UBE4A: variants seen among roughly 807,000 people sequenced by gnomAD.
UBE4A encodes the protein ubiquitination factor E4A, also known as ubiquitin conjugation factor E4 A.
UBE4A carries 48 observed loss-of-function variants against 117.9 expected under a neutral mutation model. The observed-to-expected ratio is 0.41, with a 90% CI of 0.32 to 0.52. UBE4A has a LOEUF of 0.52. Among genes scored for constraint, UBE4A ranks in the 20% least tolerant of loss-of-function variants. The pLI is 0.33. For missense variants in UBE4A, 1,067 were observed against 1,296.3 expected (o/e 0.82, Z 2.72); for synonymous variants, 407 against 450.0 (o/e 0.90, Z 1.21).
rs1948807903 is a variant in UBE4A, at chr11:118,390,772, A to G, written c.2884A>G (p.Met962Val). The change falls in exon 18 of 20, where the codon ATG becomes GTG. Residue 962 changes from methionine to valine, a missense_variant. Met to Val is a conservative substitution (Grantham distance 21, BLOSUM62 1). Transcript: ENST00000252108. Reference sequence around the variant, plus strand: ...AATAAATAAGCCTGGGAATATGATTATGGCTTTCAGCAACTTGGCAGAGAG... The same window carrying G: ...AATAAATAAGCCTGGGAATATGATTGTGGCTTTCAGCAACTTGGCAGAGAG... ...KKINKPGNMI[M>V]AFSNLAERIK... 6.2e-7 allele frequency: 1 copy of G among 1,610,288 alleles called. No individual in the cohort carries two copies. Among genetic ancestry groups the G allele is most frequent in the South Asian group, 1.1e-5 (1 of 90,950 alleles).
At chr11:118,360,056 C>G (rs185748078) in intron 1 of UBE4A, among the ~76,000 whole-genome samples, 49 of 152,272 alleles carry the variant, frequency 3.2e-4, no homozygotes, top group Non-Finnish European at 1.5e-5. Context: ...GAGTAGATAA[C>G]AAATAGGCAG....
At chr11:118,367,035 C>T (rs544743378) in intron 2 of UBE4A, among the ~76,000 whole-genome samples, 3 of 152,162 alleles carry the variant, frequency 2.0e-5, no homozygotes, top group Non-Finnish European at 2.9e-5. Flanking sequence ...GAAACCCCAT[C>T]TCTACTAAAA....
chr11:118,373,716 C>G (rs1216612713), intron 8 of UBE4A, 31 bp downstream of exon 8: 1 of 1,589,762 alleles, frequency 6.3e-7, no homozygotes, highest in Non-Finnish European at 8.5e-7. Context: ...ATCCCAGCCC[C>G]CTGATCTTAA....
chr11:118,362,429 G>A (rs1307792012), intron 1 of UBE4A, among the ~76,000 whole-genome samples: 1 of 152,158 alleles, frequency 6.6e-6, no homozygotes, highest in East Asian at 1.9e-4. Flanking sequence ...CGGCCTTCTT[G>A]ATAGTCTTAA....
rs140012544 is a variant in UBE4A, at chr11:118,375,179, T to C, written c.1400T>C (p.Leu467Pro). ...ACCTTTAATCCCACATACTGTGCCC[T>C]CAAGGAGTTGAATGATGAAGAACGA... ...LLTFNPTYCA[L>P]KELNDEERKI... is the part of the protein sequence containing the mutation. The change falls in exon 9 of 20, where the codon CTC (leucine) becomes CCC (proline). Residue 467 changes from leucine (L) to proline (P), a missense_variant. By Grantham distance (98) the Leu-to-Pro change is moderately conservative. Around this residue, in one of 3 missense-constraint regions of UBE4A, gnomAD observed 1,001 missense variants for 1,184.0 expected, o/e 0.85. Transcript: ENST00000252108. 1.9e-4 allele frequency: 312 copies of C among 1,612,380 alleles called. No homozygotes were observed. The highest frequency in any genetic ancestry group is 2.6e-4 in the Non-Finnish European group (302 of 1,179,202).
intron 16 of UBE4A, 100 bp from the exon 17 acceptor site, chr11:118,389,624 TA>T: frequency 9.0e-7 from 1 of 1,116,300 alleles, no homozygotes; most frequent in Non-Finnish European, 1.2e-6. Context: ...TGTTTAGAAA[TA>T]AAATAACAGT....
At chr11:118,361,006 G>GTGTTTTT (rs1236730893) in intron 1 of UBE4A, among the ~76,000 whole-genome samples, 1 of 126,672 alleles carries the variant, frequency 7.9e-6, no homozygotes. Context: ...GTGTGTGTGT[G>GTGTTTTT]TATTTTTTTT....
intron 11 of UBE4A, among the ~76,000 whole-genome samples, chr11:118,380,283 T>C (rs562324928): frequency 1.3e-5 from 2 of 152,022 alleles, no homozygotes; most frequent in South Asian, 2.1e-4. Context: ...CCCCAAAACA[T>C]AGCAGCTTAA....
In UBE4A at chr11:118,373,248, A is replaced by G. The variant is rs764071500; in HGVS notation, c.884A>G (p.Asp295Gly). The G allele has an allele frequency of 3.7e-6, 6 of 1,613,278 alleles. No homozygotes were observed. The South Asian group carries it at 5.5e-5, about 15-fold the overall frequency. ...LCQILLYAYL[D>G]ILLYFTRQKD... is the part of the protein sequence containing the mutation. ...CAGATCCTTTTGTATGCATATCTGG[A>G]TATTCTTCTCTATTTCACTAGGCAA... The change falls in exon 7 of 20, where the codon GAT (aspartate) becomes GGT (glycine). Residue 295 changes from aspartate (D) to glycine (G), a missense_variant. By Grantham distance (94) the Asp-to-Gly change is moderately conservative. Coordinates refer to ENST00000252108, the MANE Select transcript of UBE4A (RefSeq NM_001204077.2).
intron 1 of UBE4A, among the ~76,000 whole-genome samples, chr11:118,363,913 T>C (rs964818113): frequency 3.3e-5 from 5 of 152,108 alleles, no homozygotes; most frequent in Non-Finnish European, 7.4e-5. Context: ...CCACTGCACC[T>C]GGCCCACATT....
chr11:118,372,453 T>C (rs1028120390), intron 5 of UBE4A, 54 bp from the exon 6 acceptor site: 2 of 1,541,980 alleles, frequency 1.3e-6, no homozygotes, highest in East Asian at 2.3e-5. Context: ...ATGTCTACTT[T>C]CGTTCCAGAT....
At chr11:118,367,553 C>T (rs1434483181) in intron 2 of UBE4A, among the ~76,000 whole-genome samples, 2 of 138,060 alleles carry the variant, frequency 1.4e-5, no homozygotes, top group Non-Finnish European at 3.0e-5. Context: ...CGAAGTCTTG[C>T]TCTGTCACCG....
Position 118,382,694 on chromosome 11 carries a change from G to A in UBE4A, c.2115G>A (p.Arg705=). ...PNPLVSSVFH[R]KRVFCNFQYA... is the part of the protein sequence containing the mutation. Reference sequence around the variant, plus strand: ...CCTTGGTATCCAGTGTGTTCCACCGGAAACGTGTGTTCTGCAACTTTCAGT... The same window carrying A: ...CCTTGGTATCCAGTGTGTTCCACCGAAAACGTGTGTTCTGCAACTTTCAGT... The change falls in exon 13 of 20, where the codon CGG becomes CGA. Residue 705 remains arginine, a synonymous_variant. Transcript: ENST00000252108. 6.2e-7 allele frequency: 1 copy of A among 1,606,092 alleles called. No homozygotes were observed. Among genetic ancestry groups the A allele is most frequent in the Non-Finnish European group, 8.5e-7 (1 of 1,175,700 alleles).
rs782715684 is a variant in UBE4A, at chr11:118,375,180, CAAG to C, written c.1402_1404del (p.Lys468del). 2 of 1,612,504 alleles carry C rather than the reference CAAG, an allele frequency of 1.2e-6. No homozygotes were observed. The highest frequency in any genetic ancestry group is 1.7e-6 in the Non-Finnish European group (2 of 1,179,222). ...CCTTTAATCCCACATACTGTGCCCT[CAAG>C]GAGTTGAATGATGAAGAACGAAAAA... is the stretch of plus-strand genomic sequence containing the variant. On this transcript the variant is annotated inframe_deletion, in exon 9 of 20. Coordinates refer to ENST00000252108, the MANE Select transcript of UBE4A (RefSeq NM_001204077.2).
Position 118,376,703 on chromosome 11 carries a change from T to G in UBE4A, c.1571+9T>G. 1 of 1,611,640 alleles carries G rather than the reference T, an allele frequency of 6.2e-7. No individual in the cohort carries two copies. Among genetic ancestry groups the G allele is most frequent in the Non-Finnish European group, 8.5e-7 (1 of 1,179,130 alleles). ...TACTTGGGATTTCACAGGTAACTCC[T>G]CTGATGTCATTAGGAAAAAACAGTT... On this transcript the variant is annotated intron_variant, in intron 10 of 19. Transcript: ENST00000252108.
In UBE4A at chr11:118,376,821, AG is replaced by A. The variant is rs1178285958; in HGVS notation, c.1571+128del. ...TCTCAGGATTTTGGGAGGCCAAGGC[AG>A]AAGGATTGCTTGAGGCCAGAAGTTT... is the stretch of plus-strand genomic sequence containing the variant. On this transcript the variant is annotated intron_variant, in intron 10 of 19. Coordinates refer to ENST00000252108, the MANE Select transcript of UBE4A (RefSeq NM_001204077.2). 1.1e-5 allele frequency: 13 copies of A among 1,162,026 alleles called. No homozygotes were observed. The African/African-American group carries it at 2.0e-4, about 18-fold the overall frequency. 72.0% of individuals were successfully genotyped at this position (1,162,026 alleles called of 1,614,324 possible).
At chr11:118,380,382 A>G (rs1046079492) in intron 11 of UBE4A, among the ~76,000 whole-genome samples, 1 of 152,010 alleles carries the variant, frequency 6.6e-6, no homozygotes, top group Non-Finnish European at 1.5e-5. Context: ...CAGGAGTTCA[A>G]GATTGGCCTG....
chr11:118,363,606 CTTTTTT>C (rs199847839), intron 1 of UBE4A, among the ~76,000 whole-genome samples: 1 of 122,848 alleles, frequency 8.1e-6, no homozygotes, highest in African/African-American at 3.0e-5. Context: ...ACCACATTAG[CTTTTTT>C]TTTTTTTTTT....
At chr11:118,382,530 A>T in intron 12 of UBE4A, 59 bp from the exon 13 acceptor site, 1 of 1,383,010 alleles carries the variant, frequency 7.2e-7, no homozygotes, top group South Asian at 1.8e-5. Flanking sequence ...TGGAGAGAAC[A>T]GAGTCATAAA....
Sources: allele counts gnomAD v4.1 joint callset (sites outside exome capture counted in the v4.1 genomes callset), GRCh38; gene constraint gnomAD v4.1.1; regional missense constraint gnomAD v4.1.1; transcripts MANE v1.5; gene names NCBI Gene and HGNC (gene_info 2026-07-23, HGNC 2026-07-21).